The following LPCAT1 variants were observed in gnomAD, a reference collection of about 807,000 sequenced individuals.
LPCAT1 encodes the protein lysophosphatidylcholine acyltransferase 1, also known as 1-acylglycerol-3-phosphate O-acyltransferase.
Under a neutral mutation model 60.9 loss-of-function variants are expected in LPCAT1, and 23 were observed. The observed-to-expected ratio is 0.38, with a 90% CI of 0.27 to 0.53. The LOEUF (loss-of-function observed/expected upper bound fraction) is 0.53. Among genes scored for constraint, LPCAT1 ranks in the 20% least tolerant of loss-of-function variants. The probability of loss-of-function intolerance (pLI) is 0.82; values close to 1 mark genes in which losing one functional copy is unlikely to be tolerated. For missense variants in LPCAT1, 622 were observed against 723.6 expected, an observed-to-expected ratio of 0.86 and a Z score of 1.61; for synonymous variants, 340 against 301.1, an observed-to-expected ratio of 1.13 and a Z score of -1.34.
At chr5:1,472,667 G>A (rs942518236) in intron 11 of LPCAT1, among the ~76,000 whole-genome samples, 6 of 152,288 alleles carry the variant, frequency 3.9e-5, no homozygotes, top group Admixed American at 3.9e-4. Flanking sequence ...ACCATTTCAC[G>A]TTTCAATTCC....
In LPCAT1 at chr5:1,516,458, A is replaced by G. The variant is rs1026012515; in HGVS notation, c.135+7252T>C. 3.3e-5 allele frequency among the ~76,000 whole-genome samples: 5 copies of G among 152,264 alleles called. No individual in the cohort carries two copies. The South Asian group carries it at 1.0e-3, about 32-fold the overall frequency. On this transcript the variant is annotated intron_variant, in intron 1 of 13. Coordinates refer to ENST00000283415, the MANE Select transcript of LPCAT1 (RefSeq NM_024830.5). ...AGACTCCACTCTAAGGAGCCCAGGC[A>G]TTCCATGCTGATCCACGCCTGCCCA...
chr5:1,508,127 G>A (rs1380185783), intron 1 of LPCAT1, among the ~76,000 whole-genome samples: 1 of 152,212 alleles, frequency 6.6e-6, no homozygotes, highest in African/African-American at 2.4e-5. Context: ...AGAAGTCCGT[G>A]TCTGCTGTTC....
At chr5:1,465,320 C>G (rs1297743245) in intron 13 of LPCAT1, among the ~76,000 whole-genome samples, 2 of 130,340 alleles carry the variant, frequency 1.5e-5, no homozygotes, top group South Asian at 5.0e-4. Context: ...ACACACAAAA[C>G]AAGCGCAGGC....
At chr5:1,465,827 CGT>C (rs1300162215) in intron 13 of LPCAT1, among the ~76,000 whole-genome samples, 1 of 152,068 alleles carries the variant, frequency 6.6e-6, no homozygotes, top group African/African-American at 2.4e-5. Context: ...CGTGCACACA[CGT>C]ATGCACACGC....
At chr5:1,513,431 G>C (rs181705652) in intron 1 of LPCAT1, among the ~76,000 whole-genome samples, 1 of 152,228 alleles carries the variant, frequency 6.6e-6, no homozygotes, top group African/African-American at 2.4e-5. Flanking sequence ...TGCAAGGCCT[G>C]GCTCACGGCA....
chr5:1,486,957 G>A (rs920335339), intron 5 of LPCAT1, among the ~76,000 whole-genome samples: 1 of 152,168 alleles, frequency 6.6e-6, no homozygotes, highest in Admixed American at 6.5e-5. Context: ...ACTGGGCACC[G>A]CCATGAGTCC....
chr5:1,491,659 T>G (rs1735588923), intron 3 of LPCAT1, among the ~76,000 whole-genome samples: 1 of 152,196 alleles, frequency 6.6e-6, no homozygotes, highest in Non-Finnish European at 1.5e-5. Context: ...CCACGCCGTG[T>G]GCACAGCCAC....
At chr5:1,490,790 A>G (rs1735548291) in intron 3 of LPCAT1, among the ~76,000 whole-genome samples, 1 of 152,170 alleles carries the variant, frequency 6.6e-6, no homozygotes, top group South Asian at 2.1e-4. Flanking sequence ...TACTTCTTAG[A>G]AGAGAAAACT....
At chr5:1,499,658 A>C (rs1273311499) in intron 2 of LPCAT1, among the ~76,000 whole-genome samples, 2 of 152,258 alleles carry the variant, frequency 1.3e-5, no homozygotes, top group Non-Finnish European at 2.9e-5. Flanking sequence ...GCCCCAGGTC[A>C]CCACTACCCA....
At position 1,461,763 on chromosome 5, in the gene LPCAT1, A is replaced by C. The variant is rs1734103361; in HGVS notation, c.*1888T>G. ...GAAAATGCACAGTGGCATTTCATTC[A>C]AAAAACCCTTCATCTGCAGACCTGC... is the stretch of plus-strand genomic sequence containing the variant. On this transcript the variant is annotated 3_prime_UTR_variant, in exon 14 of 14. Coordinates refer to ENST00000283415, the MANE Select transcript of LPCAT1 (RefSeq NM_024830.5). The C allele has an allele frequency of 6.6e-6, 1 of 152,602 alleles. No individual in the cohort carries two copies. The highest frequency in any genetic ancestry group is 2.4e-5 in the African/African-American group (1 of 41,448). The allele number at this position is 152,602 out of a possible 1,614,324, so 9.5% of individuals were successfully genotyped here.
In LPCAT1 at chr5:1,495,009, G is replaced by C. The variant is rs1735733332; in HGVS notation, c.279-95C>G. ...CGGTCCCACGGGAGAGCCCTCCAGG[G>C]CGCAGTCCAGGCCACGGGCTTCCTG... On this transcript the variant is annotated intron_variant, in intron 2 of 13. Coordinates refer to ENST00000283415, the MANE Select transcript of LPCAT1 (RefSeq NM_024830.5). The surrounding 1 kb of genome is among the most constrained non-coding windows in gnomAD (Gnocchi z 4.7). 8.3e-7 allele frequency: 1 copy of C among 1,207,622 alleles called. No individual in the cohort carries two copies. The highest frequency in any genetic ancestry group is 1.2e-6 in the Non-Finnish European group (1 of 862,648). The allele number at this position is 1,207,622 out of a possible 1,614,324, so 74.8% of individuals were successfully genotyped here.
At chr5:1,518,501 C>T (rs991714978) in intron 1 of LPCAT1, among the ~76,000 whole-genome samples, 13 of 152,206 alleles carry the variant, frequency 8.5e-5, no homozygotes, top group African/African-American at 1.9e-4. Flanking sequence ...CCATGACACC[C>T]GTCTAATTTT....
chr5:1,479,763 C>T (rs935010965), intron 7 of LPCAT1, 88 bp from the exon 8 acceptor site: 44 of 1,044,110 alleles, frequency 4.2e-5, no homozygotes, highest in Non-Finnish European at 6.1e-5. Context: ...AACCTCCAGA[C>T]GCGCCCTCCA....
intron 13 of LPCAT1, among the ~76,000 whole-genome samples, chr5:1,464,929 AAACAAGCACATGCACACACAT>A (rs1734284571): frequency 1.3e-5 from 2 of 149,998 alleles, no homozygotes; most frequent in African/African-American, 4.9e-5. Context: ...TGCACACACA[AAACAAGCACATGCACACACAT>A]GGTAACTACA....
In LPCAT1 at chr5:1,496,546, T is replaced by C. The variant is rs1187810749; in HGVS notation, c.279-1632A>G. On this transcript the variant is annotated intron_variant, in intron 2 of 13. Transcript: ENST00000283415. The surrounding 1 kb of genome is among the most constrained non-coding windows in gnomAD (Gnocchi z 4.7). The stretch of plus-strand genomic sequence containing the variant: ...AGGCTGCGGCGGGCACAGGAGCCAG[T>C]CTCGGGCAGGTTCAGGGGCAGGAGA... 2.0e-5 allele frequency among the ~76,000 whole-genome samples: 3 copies of C among 151,498 alleles called. No individual in the cohort carries two copies. Among genetic ancestry groups the C allele is most frequent in the African/African-American group, 7.3e-5 (3 of 41,128 alleles).
intron 1 of LPCAT1, among the ~76,000 whole-genome samples, chr5:1,506,455 T>C (rs1397050511): frequency 6.6e-6 from 1 of 152,180 alleles, no homozygotes; most frequent in Admixed American, 6.5e-5. Context: ...CACCCCTGCG[T>C]CCAGCCTCAG....
rs1033870553 is a variant in LPCAT1 at position 1,505,027 on chromosome 5, G to A, written c.136-3424C>T. On this transcript the variant is annotated intron_variant, in intron 1 of 13. Coordinates refer to ENST00000283415, the MANE Select transcript of LPCAT1 (RefSeq NM_024830.5). ...GACTGCAACACTGCTTCCACCACAG[G>A]GTGTGGAATAAAATCACAGTAACCC... Among the ~76,000 whole-genome samples the A allele has an allele frequency of 1.2e-3, 158 of 130,826 alleles. No individual in the cohort carries two copies. The Middle Eastern group carries it at 0.017, about 14-fold the overall frequency. 85.8% of individuals were successfully genotyped at this position (130,826 alleles called of 152,430 possible).
At chr5:1,491,377 A>G (rs1735575522) in intron 3 of LPCAT1, among the ~76,000 whole-genome samples, 1 of 148,788 alleles carries the variant, frequency 6.7e-6, no homozygotes, top group African/African-American at 2.5e-5. Flanking sequence ...CCACCTTCGC[A>G]ATCCTGTCAG....
rs1420205706 is a variant in LPCAT1, at chr5:1,463,573, C to T, written c.*78G>A. ...TGTACAGCAGGAGTGAGGAGCGGAGCCCAGAGGTCACTCGCAAAGAGGCTC... is the reference window on the plus strand; with the variant it reads ...TGTACAGCAGGAGTGAGGAGCGGAGTCCAGAGGTCACTCGCAAAGAGGCTC... On this transcript the variant is annotated 3_prime_UTR_variant, in exon 14 of 14. Transcript: ENST00000283415. The T allele has an allele frequency of 1.3e-6, 2 of 1,501,152 alleles. No homozygotes were observed. Among genetic ancestry groups the T allele is most frequent in the East Asian group, 4.6e-5 (2 of 43,510 alleles). 93.0% of individuals were successfully genotyped at this position (1,501,152 alleles called of 1,614,324 possible).
Sources: gnomAD v4.1 joint callset for allele counts (sites outside exome capture counted in the v4.1 genomes callset) on GRCh38, gnomAD v4.1.1 for gene constraint, Gnocchi (gnomAD v3.1) non-coding constraint, MANE v1.5 for transcripts, NCBI Gene and HGNC (gene_info 2026-07-23, HGNC 2026-07-21) for gene names.